The following PTPRS variants were observed in gnomAD, a reference collection of about 807,000 sequenced individuals.
PTPRS encodes the protein receptor-type tyrosine-protein phosphatase S.
In PTPRS, 63 loss-of-function variants were observed where a neutral mutation model predicts 215.3. The observed-to-expected ratio is 0.29, with a 90% CI of 0.24 to 0.36. The LOEUF (loss-of-function observed/expected upper bound fraction) is 0.36, where lower values mean the gene tolerates loss of function less well. Ranked by LOEUF, PTPRS falls within the 10% of genes least tolerant of loss-of-function variation. PTPRS has a pLI of 1.00. For synonymous variants in PTPRS, 1,404 were observed against 1,191.4 expected, an observed-to-expected ratio of 1.18 and a Z score of -3.68; for missense variants, 2,258 against 2,825.8, an observed-to-expected ratio of 0.80 and a Z score of 4.56.
intron 1 of PTPRS, among the ~76,000 whole-genome samples, chr19:5,327,634 C>T (rs1483255950): frequency 2.0e-5 from 3 of 152,134 alleles, no homozygotes; most frequent in Admixed American, 6.6e-5. Context: ...GACAGGGTCT[C>T]GCTCTGTTAC....
At chr19:5,229,713 G>T in intron 14 of PTPRS, 29 bp from the exon 15 acceptor site, 1 of 1,220,396 alleles carries the variant, frequency 8.2e-7, no homozygotes, top group Non-Finnish European at 1.0e-6. Context: ...GGGGAGGGGC[G>T]GGCGGAGCCG....
At position 5,221,169 on chromosome 19, in the gene PTPRS, T is replaced by C. The variant is rs1203670272; in HGVS notation, c.3286A>G (p.Asn1096Asp). Residue 1096 changes from asparagine (N) to aspartate (D), a missense_variant, in exon 20 of 38, where the codon AAC becomes GAC. This residue lies in a region of PTPRS where 927 missense variants were observed against 1,125.9 expected (regional missense o/e 0.82). Coordinates refer to ENST00000262963, the MANE Select transcript of PTPRS (RefSeq NM_002850.4). ...CTGCCGCGATTGGTCAGCACAAAGT[T>C]GTAGAAGGTGTGGGGCTTGAGGTGC... Reference protein sequence around the residue: ...ITHLKPHTFYNFVLTNRGSSL... With the variant: ...ITHLKPHTFYDFVLTNRGSSL... The C allele has an allele frequency of 9.9e-6, 16 of 1,613,300 alleles. No individual in the cohort carries two copies. Among genetic ancestry groups the C allele is most frequent in the Non-Finnish European group, 1.2e-5 (14 of 1,179,930 alleles).
chr19:5,251,660 G>T (rs2045095018), intron 9 of PTPRS, among the ~76,000 whole-genome samples: 1 of 152,046 alleles, frequency 6.6e-6, no homozygotes, highest in African/African-American at 2.4e-5. Flanking sequence ...CAGCAGGCGA[G>T]AGGTGTTCAG....
At chr19:5,318,443 C>G (rs2049938434) in intron 1 of PTPRS, among the ~76,000 whole-genome samples, 1 of 152,122 alleles carries the variant, frequency 6.6e-6, no homozygotes, top group South Asian at 2.1e-4. Flanking sequence ...CTAGGTCCAA[C>G]AGCAAGGCAG....
chr19:5,324,290 T>A (rs953377022), intron 1 of PTPRS, among the ~76,000 whole-genome samples: 1 of 146,952 alleles, frequency 6.8e-6, no homozygotes, highest in Non-Finnish European at 1.5e-5. Flanking sequence ...CTGTGTACAG[T>A]ACTCAGCGCA....
intron 20 of PTPRS, 93 bp from the exon 21 acceptor site, chr19:5,220,446 G>T: frequency 9.5e-7 from 1 of 1,056,438 alleles, no homozygotes; most frequent in Non-Finnish European, 1.4e-6. Flanking sequence ...GTTTCTCTGA[G>T]TCTTCCCTTC....
At chr19:5,214,184 G>T (rs2041197424) in intron 30 of PTPRS, among the ~76,000 whole-genome samples, 177 bp downstream of exon 30, 2 of 152,224 alleles carry the variant, frequency 1.3e-5, no homozygotes, top group South Asian at 4.1e-4. Context: ...TGTCCTCTCT[G>T]AGCCTCAGTT....
In PTPRS at chr19:5,212,359, C is replaced by T. The variant is rs777981018; in HGVS notation, c.4747G>A (p.Gly1583Ser). 8.1e-6 allele frequency: 13 copies of T among 1,611,372 alleles called. No homozygotes were observed. The highest frequency in any genetic ancestry group is 2.2e-5 in the East Asian group (1 of 44,770). The stretch of plus-strand genomic sequence containing the variant: ...TACCTGCAGTGAACCACGATGGGGC[C>T]GGCATCTGGCGGGTTGCAGGTCTTG... Reference protein sequence around the residue: ...RVKTCNPPDAGPIVVHCSAGV... With the variant: ...RVKTCNPPDASPIVVHCSAGV... Residue 1583 changes from glycine to serine, a missense_variant, in exon 31 of 38, where the codon GGC becomes AGC. Gly to Ser is a moderately conservative substitution (Grantham distance 56). Transcript: ENST00000262963.
In PTPRS at chr19:5,215,601, G is replaced by A. The variant is rs1371371646; in HGVS notation, c.4097-6C>T. 2 of 1,594,276 alleles carry A rather than the reference G, an allele frequency of 1.3e-6. No homozygotes were observed. The highest frequency in any genetic ancestry group is 8.6e-7 in the Non-Finnish European group (1 of 1,168,126). ...TGGCGGGTGGCTAAGCATGCCTACAGGGTGGAGCAGACCCCGCCGGGGTTG... is the reference window on the plus strand; with the variant it reads ...TGGCGGGTGGCTAAGCATGCCTACAAGGTGGAGCAGACCCCGCCGGGGTTG... On this transcript the variant is annotated splice_region_variant and splice_polypyrimidine_tract_variant and intron_variant, in intron 26 of 37. Transcript: ENST00000262963.
At chr19:5,299,442 T>C (rs1049730284) in intron 1 of PTPRS, among the ~76,000 whole-genome samples, 1 of 152,222 alleles carries the variant, frequency 6.6e-6, no homozygotes, top group African/African-American at 2.4e-5. Flanking sequence ...CCATTCTCCC[T>C]CAAGGATCAC....
At chr19:5,299,415 C>G (rs1376344512) in intron 1 of PTPRS, among the ~76,000 whole-genome samples, 1 of 152,206 alleles carries the variant, frequency 6.6e-6, no homozygotes, top group Non-Finnish European at 1.5e-5. Flanking sequence ...TTTCTTGTCA[C>G]TTTTCTTCTC....
At chr19:5,259,859 T>C (rs1047157196) in intron 7 of PTPRS, among the ~76,000 whole-genome samples, 4 of 152,154 alleles carry the variant, frequency 2.6e-5, no homozygotes, top group Non-Finnish European at 4.4e-5. Flanking sequence ...TCCGTCCCCA[T>C]AGAGCACTGC....
At chr19:5,266,465 T>TA (rs1568518207) in intron 4 of PTPRS, among the ~76,000 whole-genome samples, 5 of 151,964 alleles carry the variant, frequency 3.3e-5, no homozygotes, top group African/African-American at 1.2e-4. Flanking sequence ...TTTATTTATT[T>TA]TTTTTGAGAT....
At chr19:5,268,707 G>A (rs749332723) in intron 4 of PTPRS, among the ~76,000 whole-genome samples, 9 of 152,218 alleles carry the variant, frequency 5.9e-5, no homozygotes, top group African/African-American at 9.6e-5. Flanking sequence ...CGCAGGCAAC[G>A]GAACCTGTGA....
chr19:5,265,117 G>A lies in PTPRS; in HGVS notation c.459C>T (p.Thr153=). 6.2e-7 allele frequency: 1 copy of A among 1,614,202 alleles called. No individual in the cohort carries two copies. The highest frequency in any genetic ancestry group is 1.3e-5 in the African/African-American group (1 of 75,056). The change falls in exon 5 of 38, where the codon ACC becomes ACT. Residue 153 remains threonine, a synonymous_variant. Transcript: ENST00000262963. ...LKVVERTRTA[T]MLCAASGNPD... ...GGTTGCCGCTGGCTGCACAGAGCATGGTGGCTGTCCGTGTCCGCTCCACCA... is the reference window on the plus strand; with the variant it reads ...GGTTGCCGCTGGCTGCACAGAGCATAGTGGCTGTCCGTGTCCGCTCCACCA...
rs376708743 is a variant in PTPRS at position 5,263,801 on chromosome 19, G to T, written c.569-829C>A. ...CAGGCACGGGAGTGACTGCAATGTG[G>T]GTGCACGTGTGGCCGAGATGCAGGC... On this transcript the variant is annotated intron_variant, in intron 5 of 37. Transcript: ENST00000262963. 3.6e-4 allele frequency among the ~76,000 whole-genome samples: 55 copies of T among 152,360 alleles called. No homozygotes were observed. In the South Asian group the frequency reaches 9.9e-3, roughly 28 times the overall value.
chr19:5,303,954 A>AAAAAATAATAAT, intron 1 of PTPRS, among the ~76,000 whole-genome samples: 1 of 132,252 alleles, frequency 7.6e-6, no homozygotes, highest in African/African-American at 3.1e-5. Flanking sequence ...CTGTCTCAAA[A>AAAAAATAATAAT]AATAATAATA....
chr19:5,210,425 C>G lies in PTPRS; in HGVS notation c.5487+44G>C. On this transcript the variant is annotated intron_variant, in intron 35 of 37. Coordinates refer to ENST00000262963, the MANE Select transcript of PTPRS (RefSeq NM_002850.4). The surrounding 1 kb of genome is among the most constrained non-coding windows in gnomAD (Gnocchi z 4.5). ...CCAACCAGGGCAGCCCTTTCCAGAT[C>G]ACTAAGGCTCCAGCCCCTCCCGCCA... is the stretch of plus-strand genomic sequence containing the variant. 6.2e-7 allele frequency: 1 copy of G among 1,612,802 alleles called. No homozygotes were observed. Among genetic ancestry groups the G allele is most frequent in the Non-Finnish European group, 8.5e-7 (1 of 1,179,344 alleles).
chr19:5,230,440 G>A (rs144929026), intron 14 of PTPRS, among the ~76,000 whole-genome samples: 160 of 152,286 alleles, frequency 1.1e-3, no homozygotes, highest in African/African-American at 3.6e-3. Flanking sequence ...TGCAACTACA[G>A]GCCTGTGCCA....
Sources: gnomAD v4.1 joint callset for allele counts (sites outside exome capture counted in the v4.1 genomes callset) on GRCh38, gnomAD v4.1.1 for gene constraint, gnomAD v4.1.1 regional missense constraint, Gnocchi (gnomAD v3.1) non-coding constraint, MANE v1.5 for transcripts, NCBI Gene and HGNC (gene_info 2026-07-23, HGNC 2026-07-21) for gene names.